Variants in BTNL9 observed in about 807,000 individuals in gnomAD.
The protein encoded by BTNL9 is butyrophilin like 9.
A neutral mutation model predicts 45.8 loss-of-function variants in BTNL9; 45 were observed. That is an observed-to-expected ratio of 0.98 (90% CI 0.77 to 1.26). The LOEUF (loss-of-function observed/expected upper bound fraction) is 1.26, where lower values mean the gene tolerates loss of function less well. Among genes scored for constraint, BTNL9 ranks in the 50% most tolerant of loss-of-function variants. The pLI is 0.00. For missense variants in BTNL9, 784 were observed against 729.7 expected, an observed-to-expected ratio of 1.07 and a Z score of -0.86; for synonymous variants, 346 against 330.8, an observed-to-expected ratio of 1.05 and a Z score of -0.50.
intron 1 of BTNL9, among the ~76,000 whole-genome samples, chr5:181,043,871 G>A (rs1760937258): frequency 6.6e-6 from 1 of 152,240 alleles, no homozygotes; most frequent in South Asian, 2.1e-4. Context: ...GTGAGAGTCT[G>A]GACTGTCCAG....
rs1762008380 is a variant in BTNL9 at position 181,058,766 on chromosome 5, A to G, written c.982+388A>G. Among the ~76,000 whole-genome samples the G allele has an allele frequency of 2.0e-5, 3 of 152,002 alleles. No homozygotes were observed. The South Asian group carries it at 6.2e-4, about 32-fold the overall frequency. On this transcript the variant is annotated intron_variant, in intron 10 of 10. Transcript: ENST00000327705. The stretch of plus-strand genomic sequence containing the variant: ...GTGGGGCACTGGACTAGATGATCTC[A>G]AAGGTCCTTTTAAAATCCTTTTAAA...
chr5:181,048,797 T>TATA (rs201206671), intron 3 of BTNL9, among the ~76,000 whole-genome samples: 458 of 16,744 alleles, frequency 0.027, 23 homozygotes, highest in Admixed American at 0.045. Context: ...TATATAGTTA[T>TATA]ATATTATATA....
At position 181,059,773 on chromosome 5, in the gene BTNL9, G is replaced by C. The variant is rs1433932331; in HGVS notation, c.1519G>C (p.Val507Leu). Residue 507 changes from valine (V) to leucine (L), a missense_variant, in exon 11 of 11, where the codon GTT becomes CTT. Transcript: ENST00000327705. ...TCCCCTGACCATCTGCCCGCTGCCG[G>C]TTAGAGGGACGGGCGTCCCCGAAGA... ...PDPLTICPLPVRGTGVPEEND... is the reference protein window; with the variant it reads ...PDPLTICPLPLRGTGVPEEND... 1.2e-6 allele frequency: 2 copies of C among 1,610,708 alleles called. No individual in the cohort carries two copies. The highest frequency in any genetic ancestry group is 1.7e-6 in the Non-Finnish European group (2 of 1,179,662).
intron 4 of BTNL9, among the ~76,000 whole-genome samples, chr5:181,051,879 A>C (rs1761560047): frequency 6.6e-6 from 1 of 152,090 alleles, no homozygotes; most frequent in African/African-American, 2.4e-5. Flanking sequence ...AGATGGGTAA[A>C]TGTTTGCATG....
At chr5:181,056,464 G>A (rs764335490) in intron 9 of BTNL9, 16 of 692,696 alleles carry the variant, frequency 2.3e-5, no homozygotes, top group African/African-American at 3.5e-5. Context: ...TGCTTTTCCC[G>A]TATGCATCAT....
chr5:181,045,584 G>A lies in BTNL9; in HGVS notation c.95G>A (p.Gly32Glu). ...ATGCACCTCCTCCTCCTTCAGCCTGGGGAGCCGAGCTCAGGTATTGTGTCT... is the reference window on the plus strand; with the variant it reads ...ATGCACCTCCTCCTCCTTCAGCCTGAGGAGCCGAGCTCAGGTATTGTGTCT... ...FLMHLLLLQP[G>E]EPSSEVKVLG... The change falls in exon 2 of 11, where the codon GGG becomes GAG. Residue 32 changes from glycine (G) to glutamate (E), a missense_variant. Coordinates refer to ENST00000327705, the MANE Select transcript of BTNL9 (RefSeq NM_152547.5). 1 of 1,611,968 alleles carries A rather than the reference G, an allele frequency of 6.2e-7. No individual in the cohort carries two copies. Among genetic ancestry groups the A allele is most frequent in the Non-Finnish European group, 8.5e-7 (1 of 1,178,928 alleles).
At chr5:181,056,730 A>T in intron 9 of BTNL9, 1 of 635,838 alleles carries the variant, frequency 1.6e-6, no homozygotes, top group Non-Finnish European at 2.9e-6. Context: ...GTGGGATCCC[A>T]GGAAGGCAGT....
Position 181,059,898 on chromosome 5 carries a change from C to A in BTNL9, c.*36C>A, listed in dbSNP as rs577706388. ...TGGCCGCGGGACTGGCCCCGGGGGG[C>A]CCCCTGGATCCCAGGCCAGCGCTTT... is the stretch of plus-strand genomic sequence containing the variant. On this transcript the variant is annotated 3_prime_UTR_variant, in exon 11 of 11. Coordinates refer to ENST00000327705, the MANE Select transcript of BTNL9 (RefSeq NM_152547.5). 1.8e-6 allele frequency: 2 copies of A among 1,115,846 alleles called. No individual in the cohort carries two copies. Among genetic ancestry groups the A allele is most frequent in the Non-Finnish European group, 2.5e-6 (2 of 800,668 alleles). 69.1% of individuals were successfully genotyped at this position (1,115,846 alleles called of 1,614,324 possible).
At chr5:181,056,422 G>C in intron 9 of BTNL9, 1 of 652,362 alleles carries the variant, frequency 1.5e-6, no homozygotes, top group Non-Finnish European at 2.8e-6. Flanking sequence ...CTTAGTTCAT[G>C]TAAGTGACAT....
Position 181,059,318 on chromosome 5 carries a change from C to A in BTNL9, c.1064C>A (p.Ala355Glu). The stretch of plus-strand genomic sequence containing the variant: ...GGCAAGAGCGTGTCTTCCCGCGGGG[C>A]GCCGCCAGGCCCGGCGCCTGGCCAC... ...EDGKSVSSRGAPPGPAPGHPQ... is the reference protein window; with the variant it reads ...EDGKSVSSRGEPPGPAPGHPQ... Residue 355 changes from alanine to glutamate, a missense_variant, in exon 11 of 11, where the codon GCG becomes GAG. Ala to Glu is a moderately radical substitution (Grantham distance 107, BLOSUM62 -1). Transcript: ENST00000327705. 6.4e-7 allele frequency: 1 copy of A among 1,555,202 alleles called. No individual in the cohort carries two copies.
intron 3 of BTNL9, 138 bp downstream of exon 3, chr5:181,048,409 A>T (rs1761306341): frequency 1.2e-6 from 1 of 802,784 alleles, no homozygotes; most frequent in Non-Finnish European, 1.9e-6. Flanking sequence ...TCCATTCTCA[A>T]ATGAACAAAC....
rs1370217100 is a variant in BTNL9, at chr5:181,042,231, T to C, written c.-24+1799T>C. ...TCCGGAGGGAGCAGCCCAAGGCTCC[T>C]GGGAGGACAAGCAGCACGTGCCCGC... On this transcript the variant is annotated intron_variant, in intron 1 of 10. Transcript: ENST00000327705. The surrounding 1 kb of genome is among the most constrained non-coding windows in gnomAD (Gnocchi z 4.5). Among the ~76,000 whole-genome samples, 1 of 152,220 alleles carries C rather than the reference T, an allele frequency of 6.6e-6. No individual in the cohort carries two copies. Among genetic ancestry groups the C allele is most frequent in the Non-Finnish European group, 1.5e-5 (1 of 68,038 alleles).
chr5:181,050,454 T>G lies in BTNL9; in HGVS notation c.736+85T>G. The G allele has an allele frequency of 6.8e-7, 1 of 1,465,478 alleles. No homozygotes were observed. The highest frequency in any genetic ancestry group is 9.4e-7 in the Non-Finnish European group (1 of 1,066,304). 90.8% of individuals were successfully genotyped at this position (1,465,478 alleles called of 1,614,324 possible). ...CCAAAGGCAGTCTATAAAGACACAATGGTACTGCGCCTGTCTGCATATAGG... is the reference window on the plus strand; with the variant it reads ...CCAAAGGCAGTCTATAAAGACACAAGGGTACTGCGCCTGTCTGCATATAGG... On this transcript the variant is annotated intron_variant, in intron 4 of 10. Transcript: ENST00000327705. This position sits in a 1 kb window ranked among gnomAD's most constrained non-coding sequence, Gnocchi z 4.9.
At position 181,055,073 on chromosome 5, in the gene BTNL9, G is replaced by T. The variant is rs998911010; in HGVS notation, c.908-360G>T. On this transcript the variant is annotated intron_variant, in intron 7 of 10. Transcript: ENST00000327705. This position sits in a 1 kb window ranked among gnomAD's most constrained non-coding sequence, Gnocchi z 4.4. Reference sequence around the variant, plus strand: ...CCCGGTGAGTGACCGTGAGGCTCACGTAGGCGGCCCTCAGTGCCTGCACTT... The same window carrying T: ...CCCGGTGAGTGACCGTGAGGCTCACTTAGGCGGCCCTCAGTGCCTGCACTT... 9.2e-7 allele frequency: 1 copy of T among 1,090,584 alleles called. No individual in the cohort carries two copies. The highest frequency in any genetic ancestry group is 1.1e-6 in the Non-Finnish European group (1 of 896,954). The allele number at this position is 1,090,584 out of a possible 1,614,324, so 67.6% of individuals were successfully genotyped here.
Position 181,053,575 on chromosome 5 carries a change from C to T in BTNL9, c.886+74C>T, listed in dbSNP as rs746350269. 1.3e-6 allele frequency: 2 copies of T among 1,551,432 alleles called. No homozygotes were observed. Among genetic ancestry groups the T allele is most frequent in the Non-Finnish European group, 1.7e-6 (2 of 1,147,324 alleles). Reference sequence around the variant, plus strand: ...CCGCCGTCATCTAAAGGCTGTGGGTCCCGTTACGAGGGTTTATTCCAGCGC... The same window carrying T: ...CCGCCGTCATCTAAAGGCTGTGGGTTCCGTTACGAGGGTTTATTCCAGCGC... On this transcript the variant is annotated intron_variant, in intron 6 of 10. Coordinates refer to ENST00000327705, the MANE Select transcript of BTNL9 (RefSeq NM_152547.5). The surrounding 1 kb of genome is among the most constrained non-coding windows in gnomAD (Gnocchi z 6.5).
At chr5:181,056,703 T>C (rs1761902409) in intron 9 of BTNL9, 2 of 697,286 alleles carry the variant, frequency 2.9e-6, no homozygotes, top group African/African-American at 1.8e-5. Context: ...ATGGTGGGTA[T>C]GTCCACTAAG....
Position 181,042,339 on chromosome 5 carries a change from C to A in BTNL9, c.-24+1907C>A, listed in dbSNP as rs528950289. Among the ~76,000 whole-genome samples the A allele has an allele frequency of 2.6e-5, 4 of 151,912 alleles. No homozygotes were observed. The highest frequency in any genetic ancestry group is 9.7e-5 in the African/African-American group (4 of 41,160). ...TTCCTTCTTCCCCAAATATCCGACG[C>A]GTCCAGTCCCTTACTCCTTCCCCAG... On this transcript the variant is annotated intron_variant, in intron 1 of 10. Transcript: ENST00000327705. This position sits in a 1 kb window ranked among gnomAD's most constrained non-coding sequence, Gnocchi z 4.5.
intron 10 of BTNL9, 54 bp from the exon 11 acceptor site, chr5:181,059,183 A>C (rs535149886): frequency 5.7e-5 from 81 of 1,428,830 alleles, no homozygotes; most frequent in Middle Eastern, 2.5e-4. Flanking sequence ...TGGGGAAGAC[A>C]CGGACGGGGC....
At position 181,055,835 on chromosome 5, in the gene BTNL9, C is replaced by CGAAG; in HGVS notation, c.929-154_929-153insGAAG. Reference sequence around the variant, plus strand: ...TCTGATTCCCCATATATCTTCTTCTCATCTCCCAACCAGGTATGATGCCCA... The same window carrying CGAAG: ...TCTGATTCCCCATATATCTTCTTCTCGAAGATCTCCCAACCAGGTATGATGCCCA... On this transcript the variant is annotated intron_variant, in intron 8 of 10. Transcript: ENST00000327705. This position sits in a 1 kb window ranked among gnomAD's most constrained non-coding sequence, Gnocchi z 4.4. 1.2e-6 allele frequency: 1 copy of CGAAG among 841,614 alleles called. No individual in the cohort carries two copies. The highest frequency in any genetic ancestry group is 2.1e-6 in the Non-Finnish European group (1 of 478,334). 52.1% of individuals were successfully genotyped at this position (841,614 alleles called of 1,614,324 possible).
Sources: allele counts gnomAD v4.1 joint callset (sites outside exome capture counted in the v4.1 genomes callset), GRCh38; gene constraint gnomAD v4.1.1; non-coding constraint Gnocchi (gnomAD v3.1); transcripts MANE v1.5; gene names NCBI Gene and HGNC (gene_info 2026-07-23, HGNC 2026-07-21).